The following HDAC8 variants were observed in gnomAD, a reference collection of about 807,000 sequenced individuals.
HDAC8 encodes histone deacetylase 8.
In HDAC8, 1 loss-of-function variant was observed where a neutral mutation model predicts 32.2. The ratio of observed to expected loss-of-function variants is 0.03; its 90% CI spans 0.01 to 0.15. The LOEUF is 0.15. HDAC8 is among the 10% of genes least tolerant of loss of function. The probability of loss-of-function intolerance (pLI) is 1.00; values close to 1 mark genes in which losing one functional copy is unlikely to be tolerated. For synonymous variants in HDAC8, 108 were observed against 113.9 expected, an observed-to-expected ratio of 0.95 and a Z score of 0.33; for missense variants, 117 against 300.0, an observed-to-expected ratio of 0.39 and a Z score of 4.51.
intron 4 of HDAC8, among the ~76,000 whole-genome samples, chrX:72,522,454 G>A (rs922334318): frequency 3.6e-5 from 4 of 111,719 alleles, no homozygotes; most frequent in Non-Finnish European, 5.6e-5. Flanking sequence ...GCAACTGTCT[G>A]TTCCACTGAA....
At chrX:72,345,517 T>C (rs956522178) in intron 10 of HDAC8, among the ~76,000 whole-genome samples, 9 of 110,875 alleles carry the variant, frequency 8.1e-5, no homozygotes, top group African/African-American at 3.0e-4. Context: ...CAGCACAGGG[T>C]GTTGTGCTGT....
At chrX:72,375,071 G>T (rs1555957628) in intron 9 of HDAC8, among the ~76,000 whole-genome samples, 1 of 111,715 alleles carries the variant, frequency 9.0e-6, no homozygotes, top group Non-Finnish European at 1.9e-5. Context: ...TGATCCTCCT[G>T]CCTTGGCCTC....
chrX:72,527,206 C>T (rs1313543962), intron 4 of HDAC8, among the ~76,000 whole-genome samples: 3 of 111,839 alleles, frequency 2.7e-5, no homozygotes, highest in Non-Finnish European at 3.8e-5. Context: ...AAGTCTTGTT[C>T]TCTCATGCCT....
chrX:72,496,987 T>C (rs189902796), intron 4 of HDAC8, among the ~76,000 whole-genome samples: 241 of 111,604 alleles, frequency 2.2e-3, no homozygotes, highest in African/African-American at 7.5e-3. Flanking sequence ...TTACGAGAAA[T>C]GGCGAACTGC....
intron 10 of HDAC8, among the ~76,000 whole-genome samples, chrX:72,333,251 C>T (rs1176571309): frequency 8.9e-6 from 1 of 111,885 alleles, no homozygotes; most frequent in African/African-American, 3.2e-5. Context: ...CCAATCTATC[C>T]CCTTCTTTCT....
At chrX:72,552,038 T>C (rs1403682984) in intron 4 of HDAC8, among the ~76,000 whole-genome samples, 1 of 112,621 alleles carries the variant, frequency 8.9e-6, no homozygotes, top group Non-Finnish European at 1.9e-5. Context: ...CACACTGCAT[T>C]ATAACTACTT....
intron 4 of HDAC8, among the ~76,000 whole-genome samples, chrX:72,547,186 T>C (rs782543111): frequency 9.9e-5 from 11 of 111,527 alleles, no homozygotes; most frequent in African/African-American, 2.9e-4. Context: ...CCATCTTAAT[T>C]GTCAAATACG....
At chrX:72,396,929 T>G (rs1555965759) in intron 9 of HDAC8, among the ~76,000 whole-genome samples, 1 of 112,042 alleles carries the variant, frequency 8.9e-6, no homozygotes, top group African/African-American at 3.2e-5. Flanking sequence ...GACTGGGTAC[T>G]TTATAAAGAA....
At chrX:72,435,666 C>T (rs1479781314) in intron 9 of HDAC8, among the ~76,000 whole-genome samples, 5 of 111,643 alleles carry the variant, frequency 4.5e-5, no homozygotes, top group Non-Finnish European at 7.5e-5. Flanking sequence ...GGAGATGACA[C>T]AGAAAAGATC....
intron 9 of HDAC8, among the ~76,000 whole-genome samples, chrX:72,356,228 C>T (rs1389616281): frequency 9.0e-6 from 1 of 111,675 alleles, no homozygotes; most frequent in Non-Finnish European, 1.9e-5. Context: ...GTAGCCTATA[C>T]ACTACCCAGA....
intron 7 of HDAC8, chrX:72,474,776 A>G: frequency 1.2e-6 from 1 of 818,637 alleles, no homozygotes. Flanking sequence ...ATGCTTTTGG[A>G]TAAAAGAAAA....
intron 6 of HDAC8, chrX:72,489,285 T>C (rs1556007748): frequency 4.3e-6 from 2 of 465,004 alleles, no homozygotes; most frequent in Admixed American, 5.0e-5. Flanking sequence ...TTCATGCTTT[T>C]TAGGTTGACA....
chrX:72,438,485 C>T (rs1301186457), intron 9 of HDAC8, among the ~76,000 whole-genome samples: 2 of 111,488 alleles, frequency 1.8e-5, no homozygotes, highest in Non-Finnish European at 3.8e-5. Flanking sequence ...CAAAAGTAGG[C>T]TTCAGAAGGT....
chrX:72,448,439 T>C (rs1693796282), intron 9 of HDAC8, among the ~76,000 whole-genome samples: 2 of 112,221 alleles, frequency 1.8e-5, no homozygotes, highest in African/African-American at 3.2e-5. Context: ...TAACTCAAGA[T>C]GCATTAAAGA....
chrX:72,442,631 C>T (rs1289159118), intron 9 of HDAC8, among the ~76,000 whole-genome samples: 11 of 111,567 alleles, frequency 9.9e-5, no homozygotes, highest in Non-Finnish European at 1.3e-4. Flanking sequence ...CATCAACTAA[C>T]GAGCAAAATA....
At chrX:72,524,098 A>T (rs1475991020) in intron 4 of HDAC8, among the ~76,000 whole-genome samples, 2 of 112,518 alleles carry the variant, frequency 1.8e-5, no homozygotes, top group Non-Finnish European at 3.8e-5. Flanking sequence ...AGCAAAGCTG[A>T]ATAGATATGA....
At chrX:72,465,352 G>A (rs985396967) in intron 7 of HDAC8, among the ~76,000 whole-genome samples, 1 of 110,595 alleles carries the variant, frequency 9.0e-6, no homozygotes, top group Non-Finnish European at 1.9e-5. Context: ...GCACCCTAAA[G>A]AACAAATTGT....
chrX:72,336,507 C>T (rs1470352048), intron 10 of HDAC8, among the ~76,000 whole-genome samples: 1 of 112,463 alleles, frequency 8.9e-6, no homozygotes, highest in Non-Finnish European at 1.9e-5. Context: ...GGAGCATCTG[C>T]ACTTACTTGC....
At chrX:72,463,877 A>G (rs1331866443) in intron 8 of HDAC8, among the ~76,000 whole-genome samples, 2 of 112,210 alleles carry the variant, frequency 1.8e-5, no homozygotes, top group Non-Finnish European at 3.8e-5. Flanking sequence ...TGAAATAAAG[A>G]TTGTGCCAGG....
Sources: allele counts gnomAD v4.1 joint callset (sites outside exome capture counted in the v4.1 genomes callset), GRCh38; gene constraint gnomAD v4.1.1; transcripts MANE v1.5; gene names NCBI Gene and HGNC (gene_info 2026-07-23, HGNC 2026-07-21).